KANK1: variants seen among roughly 807,000 people sequenced by gnomAD.
KANK1 encodes the protein KN motif and ankyrin repeat domains 1.
A neutral mutation model predicts 106.2 loss-of-function variants in KANK1; 109 were observed. The ratio of observed to expected loss-of-function variants is 1.03; its 90% confidence interval spans 0.88 to 1.20. KANK1 has a LOEUF of 1.20. Ranked by LOEUF, KANK1 falls within the 50% of genes most tolerant of loss-of-function variation. KANK1 has a pLI of 0.00. For synonymous variants in KANK1, 873 were observed against 652.2 expected, an observed-to-expected ratio of 1.34 and a Z score of -5.16; for missense variants, 2,399 against 1,710.7, an observed-to-expected ratio of 1.40 and a Z score of -7.10.
At chr9:707,117 A>G (rs1824474426) in intron 2 of KANK1, 1 of 985,496 alleles carries the variant, frequency 1.0e-6, no homozygotes, top group Non-Finnish European at 1.2e-6. Flanking sequence ...GTGGCCGGCC[A>G]AGTTTACACG....
intron 1 of KANK1, among the ~76,000 whole-genome samples, chr9:601,167 G>A (rs866715393): frequency 6.6e-6 from 1 of 151,692 alleles, no homozygotes; most frequent in Non-Finnish European, 1.5e-5. Flanking sequence ...GGTAGTACGG[G>A]GCTCCCATAC....
At chr9:534,380 G>A (rs974145630) in intron 1 of KANK1, among the ~76,000 whole-genome samples, 7 of 152,160 alleles carry the variant, frequency 4.6e-5, no homozygotes, top group African/African-American at 1.7e-4. Flanking sequence ...CATTGCTGGG[G>A]AGGCTGTGGA....
rs1158040055 is a variant in KANK1, at chr9:712,683, C to A, written c.1917C>A (p.Val639=). Residue 639 remains valine, a synonymous_variant, in exon 3 of 12, where the codon GTC becomes GTA. Transcript: ENST00000382297. The part of the protein sequence containing the change: ...GCGDCSVDVT[V]CSPKECASRG... ...GAGATTGTTCTGTTGACGTGACCGT[C>A]TGCTCTCCAAAGGAGTGCGCCTCCC... is the stretch of plus-strand genomic sequence containing the variant. The A allele has an allele frequency of 2.5e-6, 4 of 1,614,060 alleles. No homozygotes were observed. The highest frequency in any genetic ancestry group is 4.5e-5 in the East Asian group (2 of 44,892).
At chr9:567,611 AC>A (rs1276881437) in intron 1 of KANK1, among the ~76,000 whole-genome samples, 1 of 152,186 alleles carries the variant, frequency 6.6e-6, no homozygotes, top group Non-Finnish European at 1.5e-5. Context: ...AGCAAAGAGA[AC>A]TTTTGCAGCA....
intron 2 of KANK1, among the ~76,000 whole-genome samples, chr9:695,486 A>G (rs1485203375): frequency 6.6e-6 from 1 of 151,884 alleles, no homozygotes; most frequent in East Asian, 1.9e-4. Flanking sequence ...CATCCCCTAC[A>G]GCTCCCTGCT....
chr9:528,498 T>C, intron 1 of KANK1, among the ~76,000 whole-genome samples: 1 of 125,116 alleles, frequency 8.0e-6, no homozygotes, highest in South Asian at 2.4e-4. Context: ...TTTTTTTTTT[T>C]TGAGACGGAG....
intron 1 of KANK1, among the ~76,000 whole-genome samples, chr9:620,078 G>A (rs1175877546): frequency 6.6e-6 from 1 of 151,712 alleles, no homozygotes; most frequent in African/African-American, 2.4e-5. Flanking sequence ...CAGAGGTTGA[G>A]CCAAGATCAC....
chr9:620,198 C>T (rs1274444708), intron 1 of KANK1, among the ~76,000 whole-genome samples: 1 of 151,516 alleles, frequency 6.6e-6, no homozygotes, highest in African/African-American at 2.4e-5. Flanking sequence ...GGCAAGAAAA[C>T]TTTGTCAGGT....
chr9:544,421 A>C (rs768754821), intron 1 of KANK1, among the ~76,000 whole-genome samples: 1 of 152,120 alleles, frequency 6.6e-6, no homozygotes, highest in Non-Finnish European at 1.5e-5. Context: ...TGGTGCAGAG[A>C]GGGGCATTCT....
intron 1 of KANK1, among the ~76,000 whole-genome samples, chr9:611,742 A>C (rs1015040096): frequency 6.6e-6 from 1 of 151,996 alleles, no homozygotes; most frequent in African/African-American, 2.4e-5. Context: ...TTTTGGAGAC[A>C]AAGTCTTTCT....
chr9:548,705 T>C (rs1250489863), intron 1 of KANK1, among the ~76,000 whole-genome samples: 1 of 152,200 alleles, frequency 6.6e-6, no homozygotes, highest in East Asian at 1.9e-4. Context: ...GCATAGTTTC[T>C]CTGGGAATTG....
intron 1 of KANK1, among the ~76,000 whole-genome samples, chr9:606,255 A>T (rs962596993): frequency 1.3e-5 from 2 of 151,104 alleles, no homozygotes; most frequent in African/African-American, 4.9e-5. Flanking sequence ...AAAAATATAT[A>T]TTTTTAGAAG....
chr9:659,386 G>T (rs947306378), intron 1 of KANK1, among the ~76,000 whole-genome samples: 5 of 152,210 alleles, frequency 3.3e-5, no homozygotes, highest in African/African-American at 1.2e-4. Flanking sequence ...AATGCAGATT[G>T]CAGGGCCCCA....
intron 1 of KANK1, among the ~76,000 whole-genome samples, chr9:638,072 C>T (rs192427645): frequency 6.6e-6 from 1 of 152,280 alleles, no homozygotes; most frequent in East Asian, 1.9e-4. Context: ...GTTTAATAGC[C>T]AAGCTTATGC....
At chr9:681,547 A>T (rs537000315) in intron 2 of KANK1, among the ~76,000 whole-genome samples, 1 of 152,334 alleles carries the variant, frequency 6.6e-6, no homozygotes, top group South Asian at 2.1e-4. Flanking sequence ...TGAAAGAAAG[A>T]TAATAATAGC....
chr9:638,708 T>A (rs1356267701), intron 1 of KANK1, among the ~76,000 whole-genome samples: 4 of 152,224 alleles, frequency 2.6e-5, no homozygotes, highest in African/African-American at 7.2e-5. Context: ...TTGTTAAATT[T>A]GCGATCTGCC....
rs1255856175 is a variant in KANK1, at chr9:713,270, C to G, written c.2504C>G (p.Ala835Gly). 2 of 1,612,334 alleles carry G rather than the reference C, an allele frequency of 1.2e-6. No individual in the cohort carries two copies. Among genetic ancestry groups the G allele is most frequent in the East Asian group, 4.5e-5 (2 of 44,880 alleles). The change falls in exon 3 of 12, where the codon GCA (alanine) becomes GGA (glycine). Residue 835 changes from alanine to glycine, a missense_variant. Ala to Gly is a moderately conservative substitution (Grantham distance 60, BLOSUM62 0). Coordinates refer to ENST00000382297, the MANE Select transcript of KANK1 (RefSeq NM_015158.5). ...HYIERIQKLL[A>G]EQQTLLAENY... ...ATTGAGCGTATCCAGAAGCTGCTGG[C>G]AGAACAGCAGACACTGCTGGCTGAG...
chr9:529,937 A>C (rs1428843476), intron 1 of KANK1, among the ~76,000 whole-genome samples: 1 of 152,234 alleles, frequency 6.6e-6, no homozygotes, highest in Non-Finnish European at 1.5e-5. Context: ...TATCGTTGCC[A>C]GTACAGTATG....
intron 8 of KANK1, among the ~76,000 whole-genome samples, chr9:738,771 A>G (rs1185199133): frequency 6.6e-6 from 1 of 152,198 alleles, no homozygotes; most frequent in African/African-American, 2.4e-5. Context: ...TTCAAAAGTG[A>G]GAGGTGTATG....
Sources: gnomAD v4.1 joint callset for allele counts (sites outside exome capture counted in the v4.1 genomes callset) on GRCh38, gnomAD v4.1.1 for gene constraint, MANE v1.5 for transcripts, NCBI Gene and HGNC (gene_info 2026-07-23, HGNC 2026-07-21) for gene names.